The following NELL2 variants were observed in gnomAD, a reference collection of about 807,000 sequenced individuals.
The protein encoded by NELL2 is protein kinase C-binding protein NELL2.
A neutral mutation model predicts 109.6 loss-of-function variants in NELL2; 41 were observed. The observed-to-expected ratio is 0.37, with a 90% CI of 0.29 to 0.49. The LOEUF (loss-of-function observed/expected upper bound fraction) is 0.49, where lower values mean the gene tolerates loss of function less well. Among genes scored for constraint, NELL2 ranks in the 20% least tolerant of loss-of-function variants. The pLI, the probability that NELL2 is intolerant of heterozygous loss-of-function variation, is 0.98. For missense variants in NELL2, 900 were observed against 1,008.3 expected, an observed-to-expected ratio of 0.89 and a Z score of 1.45; for synonymous variants, 355 against 344.7, an observed-to-expected ratio of 1.03 and a Z score of -0.33.
intron 10 of NELL2, among the ~76,000 whole-genome samples, chr12:44,711,918 T>C (rs922165782): frequency 2.0e-5 from 3 of 152,104 alleles, no homozygotes; most frequent in African/African-American, 2.4e-5. Flanking sequence ...TAAATTAATG[T>C]CTAGCACATT....
chr12:44,678,668 T>C (rs1329504555), intron 12 of NELL2, among the ~76,000 whole-genome samples: 1 of 152,138 alleles, frequency 6.6e-6, no homozygotes, highest in Non-Finnish European at 1.5e-5. Context: ...GAGTGGATTC[T>C]GTTGTTTGCA....
intron 13 of NELL2, among the ~76,000 whole-genome samples, chr12:44,639,108 T>C (rs893439246): frequency 6.6e-6 from 1 of 152,150 alleles, no homozygotes; most frequent in Non-Finnish European, 1.5e-5. Flanking sequence ...TTGAGCAAAA[T>C]TTCAAATGCT....
At chr12:44,808,176 A>C (rs1335474224) in intron 3 of NELL2, among the ~76,000 whole-genome samples, 2 of 152,076 alleles carry the variant, frequency 1.3e-5, no homozygotes, top group Admixed American at 6.6e-5. Context: ...CTGCAGAAAG[A>C]GTGGACTGCT....
rs752164775 is a variant in NELL2 at position 44,801,532 on chromosome 12, C to T, written c.335+14454G>A. Among the ~76,000 whole-genome samples, 4 of 152,104 alleles carry T rather than the reference C, an allele frequency of 2.6e-5. No homozygotes were observed. The East Asian group carries it at 5.8e-4, about 22-fold the overall frequency. On this transcript the variant is annotated intron_variant, in intron 3 of 19. Transcript: ENST00000429094. ...TAATAGTTAGGACGATGGGCTGTGA[C>T]GCCAAGTAGCCTGGTTCAAATGTTG...
intron 16 of NELL2, among the ~76,000 whole-genome samples, chr12:44,527,846 C>G (rs1237777713): frequency 6.6e-6 from 1 of 151,994 alleles, no homozygotes. Flanking sequence ...GTAATCCCAG[C>G]ACTTTGGGAG....
intron 9 of NELL2, among the ~76,000 whole-genome samples, chr12:44,747,605 G>A (rs1306521790): frequency 6.6e-6 from 1 of 151,928 alleles, no homozygotes; most frequent in South Asian, 2.1e-4. Flanking sequence ...GTGGATTTTT[G>A]ACTGCACAGG....
intron 13 of NELL2, among the ~76,000 whole-genome samples, chr12:44,650,794 C>T (rs967982966): frequency 7.2e-5 from 11 of 152,062 alleles, no homozygotes; most frequent in African/African-American, 2.2e-4. Flanking sequence ...TTTGCCTGCT[C>T]CTAAAGGCCA....
chr12:44,780,413 A>G (rs1366584891), intron 3 of NELL2, among the ~76,000 whole-genome samples: 1 of 152,002 alleles, frequency 6.6e-6, no homozygotes, highest in East Asian at 1.9e-4. Context: ...TCTCTGTTCC[A>G]GTCAAACATC....
At chr12:44,670,407 G>A (rs1948098753) in intron 12 of NELL2, among the ~76,000 whole-genome samples, 1 of 151,766 alleles carries the variant, frequency 6.6e-6, no homozygotes, top group South Asian at 2.1e-4. Context: ...AACAGAAGAG[G>A]AAGAAAGAAT....
At chr12:44,612,632 C>T (rs1945663395) in intron 13 of NELL2, among the ~76,000 whole-genome samples, 1 of 151,994 alleles carries the variant, frequency 6.6e-6, no homozygotes, top group Non-Finnish European at 1.5e-5. Flanking sequence ...GGGCAGCCCA[C>T]CTACCTTTGG....
chr12:44,856,229 A>G (rs1255652591), intron 2 of NELL2, among the ~76,000 whole-genome samples: 1 of 152,236 alleles, frequency 6.6e-6, no homozygotes, highest in Non-Finnish European at 1.5e-5. Context: ...CTTCTAAAAC[A>G]TTGGTACAAC....
intron 9 of NELL2, among the ~76,000 whole-genome samples, chr12:44,765,391 G>C (rs1183985086): frequency 1.3e-5 from 2 of 149,788 alleles, no homozygotes; most frequent in Non-Finnish European, 3.0e-5. Flanking sequence ...AAAGTATACA[G>C]TCAATAACTC....
intron 12 of NELL2, among the ~76,000 whole-genome samples, chr12:44,702,943 T>C (rs182405728): frequency 1.2e-3 from 178 of 152,348 alleles, no homozygotes; most frequent in African/African-American, 3.7e-3. Flanking sequence ...CTATGACATA[T>C]GCTTTTCATG....
At chr12:44,618,966 T>C (rs776689636) in intron 13 of NELL2, among the ~76,000 whole-genome samples, 4 of 152,178 alleles carry the variant, frequency 2.6e-5, no homozygotes, top group Non-Finnish European at 4.4e-5. Context: ...TAAGGTGCTT[T>C]GTCCAAAGTC....
At chr12:44,692,425 G>A (rs541942356) in intron 12 of NELL2, among the ~76,000 whole-genome samples, 2 of 152,146 alleles carry the variant, frequency 1.3e-5, no homozygotes, top group African/African-American at 4.8e-5. Flanking sequence ...CAACGCACTA[G>A]GAGATTAATG....
At chr12:44,532,313 C>A (rs1942102616) in intron 16 of NELL2, among the ~76,000 whole-genome samples, 1 of 152,096 alleles carries the variant, frequency 6.6e-6, no homozygotes, top group Non-Finnish European at 1.5e-5. Context: ...TGTGATACTA[C>A]ATGTTTTTTC....
At chr12:44,598,883 A>ACACACACACACACACACACTCT (rs1265603008) in intron 15 of NELL2, among the ~76,000 whole-genome samples, 8 of 143,940 alleles carry the variant, frequency 5.6e-5, no homozygotes, top group African/African-American at 1.8e-4. Flanking sequence ...ACACACACAC[A>ACACACACACACACACACACTCT]CTCTCTCTCT....
intron 15 of NELL2, among the ~76,000 whole-genome samples, chr12:44,586,313 C>T (rs1291705400): frequency 6.7e-6 from 1 of 149,288 alleles, no homozygotes; most frequent in Non-Finnish European, 1.5e-5. Context: ...TACACACACA[C>T]ATATATATAA....
At chr12:44,870,906 A>T (rs1399222389) in intron 2 of NELL2, among the ~76,000 whole-genome samples, 2 of 152,196 alleles carry the variant, frequency 1.3e-5, no homozygotes, top group East Asian at 3.8e-4. Flanking sequence ...TCTATGCAGG[A>T]CCATTATTCT....
Sources: gnomAD v4.1 joint callset for allele counts (sites outside exome capture counted in the v4.1 genomes callset) on GRCh38, gnomAD v4.1.1 for gene constraint, MANE v1.5 for transcripts, NCBI Gene and HGNC (gene_info 2026-07-23, HGNC 2026-07-21) for gene names.